KIF20B: variants seen among roughly 807,000 people sequenced by gnomAD.
KIF20B encodes kinesin family member 20B, also known as kinesin-like protein KIF20B.
Under a neutral mutation model 232.5 loss-of-function variants are expected in KIF20B, and 188 were observed. That is an observed-to-expected ratio of 0.81 (90% CI 0.72 to 0.91). KIF20B has a LOEUF of 0.91. Among genes scored for constraint, KIF20B ranks in the 40% least tolerant of loss-of-function variants. The pLI is 0.00. For synonymous variants in KIF20B, 712 were observed against 683.0 expected, an observed-to-expected ratio of 1.04 and a Z score of -0.66; for missense variants, 2,154 against 2,055.9, an observed-to-expected ratio of 1.05 and a Z score of -0.92.
At chr10:89,759,065 A>G (rs1002659579) in intron 27 of KIF20B, among the ~76,000 whole-genome samples, 183 bp downstream of exon 27, 9 of 152,070 alleles carry the variant, frequency 5.9e-5, no homozygotes, top group Non-Finnish European at 1.2e-4. Context: ...TTGTCAATCA[A>G]TGACTGAGAT....
chr10:89,766,424 A>T (rs11598015), intron 29 of KIF20B: 26,545 of 152,112 alleles, frequency 0.17, 2,677 homozygotes, highest in Non-Finnish European at 0.23. Flanking sequence ...GAAGTTGAAA[A>T]CTTTGAAAAA....
intron 1 of KIF20B, among the ~76,000 whole-genome samples, chr10:89,704,067 T>C (rs975567185): frequency 1.1e-4 from 16 of 152,268 alleles, no homozygotes; most frequent in Admixed American, 1.0e-3. Context: ...TTTTTAATTT[T>C]TATTTTAAAC....
chr10:89,714,170 G>T, intron 7 of KIF20B, 87 bp downstream of exon 7: 1 of 754,760 alleles, frequency 1.3e-6, no homozygotes, highest in Non-Finnish European at 2.0e-6. Context: ...CACTTCTAAT[G>T]TTTTATTTTT....
rs1046778844 is a variant in KIF20B, at chr10:89,743,804, G to A, written c.3916-4G>A. Reference sequence around the variant, plus strand: ...CCATTTGTTTTATAAACATTATTTTGTAGGTATCTGTAATGCGTGATGAGG... The same window carrying A: ...CCATTTGTTTTATAAACATTATTTTATAGGTATCTGTAATGCGTGATGAGG... On this transcript the variant is annotated splice_polypyrimidine_tract_variant and splice_region_variant and intron_variant, in intron 21 of 32. Transcript: ENST00000371728. 1 of 1,416,014 alleles carries A rather than the reference G, an allele frequency of 7.1e-7. No individual in the cohort carries two copies. Among genetic ancestry groups the A allele is most frequent in the Non-Finnish European group, 9.5e-7 (1 of 1,049,544 alleles). The allele number at this position is 1,416,014 out of a possible 1,614,324, so 87.7% of individuals were successfully genotyped here.
At chr10:89,703,016 A>C (rs1842643723) in intron 1 of KIF20B, among the ~76,000 whole-genome samples, 1 of 152,252 alleles carries the variant, frequency 6.6e-6, no homozygotes, top group East Asian at 1.9e-4. Context: ...AAAAATGAGC[A>C]TATGAACAAA....
intron 29 of KIF20B, among the ~76,000 whole-genome samples, chr10:89,764,365 A>G (rs1262672708): frequency 6.6e-6 from 1 of 152,136 alleles, no homozygotes; most frequent in Non-Finnish European, 1.5e-5. Context: ...ATATGTGTGC[A>G]TGTGTCTTTA....
intron 2 of KIF20B, 38 bp downstream of exon 2, chr10:89,705,479 T>C (rs1842703508): frequency 6.3e-7 from 1 of 1,592,586 alleles, no homozygotes; most frequent in Non-Finnish European, 8.6e-7. Flanking sequence ...TTATCATGCC[T>C]CCTTCTAATG....
At chr10:89,745,846 A>G in intron 22 of KIF20B, 53 bp from the exon 23 acceptor site, 1 of 1,198,014 alleles carries the variant, frequency 8.3e-7, no homozygotes. Flanking sequence ...CCACTGTTAA[A>G]TATTGTGTTT....
chr10:89,727,059 G>A (rs967938748), intron 16 of KIF20B, among the ~76,000 whole-genome samples: 3 of 151,600 alleles, frequency 2.0e-5, no homozygotes, highest in Admixed American at 6.6e-5. Flanking sequence ...GATACTGCCT[G>A]CCTCGGCCTC....
At chr10:89,755,278 A>G (rs1842096688) in intron 26 of KIF20B, among the ~76,000 whole-genome samples, 1 of 152,240 alleles carries the variant, frequency 6.6e-6, no homozygotes, top group Admixed American at 6.5e-5. Flanking sequence ...ACTTCGCAGT[A>G]TCATATTGTC....
intron 2 of KIF20B, among the ~76,000 whole-genome samples, chr10:89,706,122 T>C (rs1351207356): frequency 6.6e-6 from 1 of 152,198 alleles, no homozygotes; most frequent in East Asian, 1.9e-4. Flanking sequence ...AGTGGCAATG[T>C]ATGTAGGTTC....
chr10:89,737,388 G>T lies in KIF20B; in HGVS notation c.2547G>T (p.Gly849=). 6.5e-7 allele frequency: 1 copy of T among 1,548,702 alleles called. No individual in the cohort carries two copies. Among genetic ancestry groups the T allele is most frequent in the Non-Finnish European group, 8.6e-7 (1 of 1,156,126 alleles). The part of the protein sequence containing the change: ...LQQDEPPAKK[G]SIHVSSAITE... ...ATAACAATTTTCTTATTTTTAAAGG[G>T]TCTATCCATGTTAGTTCAGCTATCA... The change falls in exon 20 of 33, where the codon GGG becomes GGT. Residue 849 remains glycine, a splice_region_variant and synonymous_variant. Transcript: ENST00000371728.
At position 89,774,215 on chromosome 10, in the gene KIF20B, T is replaced by C. The variant is rs1488796740; in HGVS notation, c.*167T>C. ...TTCAATAAATGAGTCAAAATTTGTATATTTTTATAAGGCTTTTTTATAATA... is the reference window on the plus strand; with the variant it reads ...TTCAATAAATGAGTCAAAATTTGTACATTTTTATAAGGCTTTTTTATAATA... On this transcript the variant is annotated 3_prime_UTR_variant, in exon 33 of 33. Transcript: ENST00000371728. 2.5e-6 allele frequency: 1 copy of C among 395,472 alleles called. No homozygotes were observed. The highest frequency in any genetic ancestry group is 4.6e-6 in the Non-Finnish European group (1 of 217,990). The allele number at this position is 395,472 out of a possible 1,614,324, so 24.5% of individuals were successfully genotyped here.
In KIF20B at chr10:89,711,077, A is replaced by C. The variant is rs1048057; in HGVS notation, c.607A>C (p.Arg203=). 0.29 allele frequency: 457,558 copies of C among 1,599,996 alleles called. 74,368 individuals are homozygous for C. Among genetic ancestry groups the C allele is most frequent in the East Asian group, 0.59 (26,256 of 44,354 alleles). The stretch of plus-strand genomic sequence containing the variant: ...ACCACATAGATCCAGAGAATACTTA[A>C]GGTTATCATCAGAACAAGAGAAAGA... The part of the protein sequence containing the change: ...LKPHRSREYL[R]LSSEQEKEEI... Residue 203 remains arginine, a synonymous_variant, in exon 6 of 33, where the codon AGG becomes CGG. Transcript: ENST00000371728.
At chr10:89,707,507 A>C (rs1472380623) in intron 2 of KIF20B, among the ~76,000 whole-genome samples, 2 of 142,084 alleles carry the variant, frequency 1.4e-5, no homozygotes, top group African/African-American at 2.6e-5. Flanking sequence ...TTTTCTTTCC[A>C]TTTTTTTTTT....
At chr10:89,769,149 G>A (rs1304874305) in intron 31 of KIF20B, among the ~76,000 whole-genome samples, 8 of 151,912 alleles carry the variant, frequency 5.3e-5, no homozygotes, top group Non-Finnish European at 1.0e-4. Flanking sequence ...ATAAGCAAAG[G>A]TATGATAGTA....
At chr10:89,755,897 C>T (rs749438573) in intron 26 of KIF20B, among the ~76,000 whole-genome samples, 1 of 152,108 alleles carries the variant, frequency 6.6e-6, no homozygotes. Flanking sequence ...GCATTGTACC[C>T]GGCCTGAAAT....
At position 89,715,109 on chromosome 10, in the gene KIF20B, T is replaced by G. The variant is rs569803966; in HGVS notation, c.867T>G (p.Pro289=). 6.2e-7 allele frequency: 1 copy of G among 1,608,806 alleles called. No homozygotes were observed. The highest frequency in any genetic ancestry group is 1.7e-5 in the Admixed American group (1 of 59,412). Residue 289 remains proline, a synonymous_variant, in exon 8 of 33, where the codon CCT becomes CCG. Coordinates refer to ENST00000371728, the MANE Select transcript of KIF20B (RefSeq NM_001284259.2). ...YNEYIYDLFV[P]VSSKFQKRKM... is the part of the protein sequence containing the mutation. ...AATATATTTATGACTTATTTGTTCC[T>G]GTATCATCTAAATTCCAAAAGAGAA...
Position 89,738,143 on chromosome 10 carries a change from G to GAGTAAA in KIF20B, c.3303_3304insGTAAAA (p.Arg1101_Leu1102insValLys), listed in dbSNP as rs1554851565. 1 of 1,426,068 alleles carries GAGTAAA rather than the reference G, an allele frequency of 7.0e-7. No individual in the cohort carries two copies. Among genetic ancestry groups the GAGTAAA allele is most frequent in the African/African-American group, 1.9e-5 (1 of 53,990 alleles). 88.3% of individuals were successfully genotyped at this position (1,426,068 alleles called of 1,614,324 possible). On this transcript the variant is annotated inframe_insertion, in exon 20 of 33. Transcript: ENST00000371728. The stretch of plus-strand genomic sequence containing the variant: ...AAAGGCTATAAGGATGAAAACAATA[G>GAGTAAA]ACTAAAGGAGAAGGAGCATAAAAAC...
Sources: allele counts gnomAD v4.1 joint callset (sites outside exome capture counted in the v4.1 genomes callset), GRCh38; gene constraint gnomAD v4.1.1; transcripts MANE v1.5; gene names NCBI Gene and HGNC (gene_info 2026-07-23, HGNC 2026-07-21).